Variants in TOR1B observed in about 807,000 individuals in gnomAD.
TOR1B encodes the protein torsin-1B.
TOR1B carries 14 observed loss-of-function variants against 29.2 expected under a neutral mutation model. The ratio of observed to expected loss-of-function variants is 0.48; its 90% CI spans 0.32 to 0.75. The LOEUF (loss-of-function observed/expected upper bound fraction) is 0.75. Among genes scored for constraint, TOR1B ranks in the 30% least tolerant of loss-of-function variants. TOR1B has a pLI of 0.04. For synonymous variants in TOR1B, 166 were observed against 179.8 expected, an observed-to-expected ratio of 0.92 and a Z score of 0.62; for missense variants, 400 against 433.9, an observed-to-expected ratio of 0.92 and a Z score of 0.69.
chr9:129,809,224 C>T, intron 4 of TOR1B, 118 bp from the exon 5 acceptor site: 2 of 1,548,560 alleles, frequency 1.3e-6, no homozygotes, highest in South Asian at 1.2e-5. Context: ...GGGCTTGTTG[C>T]ACACTGACAA....
rs758064306 is a variant in TOR1B at position 129,803,201 on chromosome 9, T to A, written c.-12T>A. The A allele has an allele frequency of 2.8e-6, 4 of 1,452,368 alleles. No individual in the cohort carries two copies. The highest frequency in any genetic ancestry group is 3.6e-6 in the Non-Finnish European group (4 of 1,107,550). 90.0% of individuals were successfully genotyped at this position (1,452,368 alleles called of 1,614,324 possible). A position where few individuals can be genotyped will look rare whatever the true frequency, so the allele number is the denominator to read the frequency against. The stretch of plus-strand genomic sequence containing the variant: ...CCTGGCTCAGTGGCTTCTGCGGGCT[T>A]CGAGGAGCGGGATGTTGCGGGCTGG... On this transcript the variant is annotated 5_prime_UTR_variant, in exon 1 of 5. Coordinates refer to ENST00000259339, the MANE Select transcript of TOR1B (RefSeq NM_014506.3).
In TOR1B at chr9:129,810,000, A is replaced by G. The variant is rs2130995371; in HGVS notation, c.*417A>G. The stretch of plus-strand genomic sequence containing the variant: ...ACTTTTAAAAATCCCCTTCACACTT[A>G]ATGTACTGACCGAGACAGAAGTACC... On this transcript the variant is annotated 3_prime_UTR_variant, in exon 5 of 5. Coordinates refer to ENST00000259339, the MANE Select transcript of TOR1B (RefSeq NM_014506.3). 8.4e-7 allele frequency: 1 copy of G among 1,191,456 alleles called. No individual in the cohort carries two copies. The highest frequency in any genetic ancestry group is 3.8e-4 in the Middle Eastern group (1 of 2,598). The allele number at this position is 1,191,456 out of a possible 1,614,324, so 73.8% of individuals were successfully genotyped here.
chr9:129,810,303 G>C lies in TOR1B; in HGVS notation c.*720G>C, dbSNP rs1367628045. The C allele has an allele frequency of 7.7e-7, 1 of 1,301,696 alleles. No homozygotes were observed. The highest frequency in any genetic ancestry group is 1.0e-6 in the Non-Finnish European group (1 of 988,366). The allele number at this position is 1,301,696 out of a possible 1,614,324, so 80.6% of individuals were successfully genotyped here. Reference sequence around the variant, plus strand: ...CGGTGTCTGACCGGAGGATGTGGCCGTGCCCGCCGAGCACTCTTGATCTGA... The same window carrying C: ...CGGTGTCTGACCGGAGGATGTGGCCCTGCCCGCCGAGCACTCTTGATCTGA... On this transcript the variant is annotated 3_prime_UTR_variant, in exon 5 of 5. Transcript: ENST00000259339.
intron 2 of TOR1B, among the ~76,000 whole-genome samples, chr9:129,806,388 T>C: frequency 6.6e-6 from 1 of 152,078 alleles, no homozygotes; most frequent in East Asian, 1.9e-4. Flanking sequence ...GTTGCTTGAG[T>C]GTCTTTATGT....
intron 3 of TOR1B, among the ~76,000 whole-genome samples, chr9:129,808,222 G>A (rs1047228170): frequency 6.6e-6 from 1 of 152,130 alleles, no homozygotes; most frequent in African/African-American, 2.4e-5. Context: ...CTTCGGCCGG[G>A]TGTGGTGGCT....
Position 129,809,154 on chromosome 9 carries a change from ATT to A in TOR1B, c.769+125_769+126del, listed in dbSNP as rs147701935. ...TTTCCTCACTTTGCTAAAGTCAGGA[ATT>A]TTCTTAGGGCATACTGTGCTAGAAA... On this transcript the variant is annotated intron_variant, in intron 4 of 4. Coordinates refer to ENST00000259339, the MANE Select transcript of TOR1B (RefSeq NM_014506.3). The A allele has an allele frequency of 4.2e-5, 64 of 1,517,444 alleles. No homozygotes were observed. In the African/African-American group the frequency reaches 8.5e-4, roughly 20 times the overall value. The allele number at this position is 1,517,444 out of a possible 1,614,324, so 94.0% of individuals were successfully genotyped here. A position where few individuals can be genotyped will look rare whatever the true frequency, so the allele number is the denominator to read the frequency against.
chr9:129,807,862 G>T (rs1446930177), intron 3 of TOR1B, among the ~76,000 whole-genome samples: 4 of 140,046 alleles, frequency 2.9e-5, no homozygotes, highest in South Asian at 2.3e-4. Flanking sequence ...AAAAAAAAAA[G>T]AAATAATCAC....
intron 1 of TOR1B, 64 bp from the exon 2 acceptor site, chr9:129,804,009 G>A: frequency 6.3e-7 from 1 of 1,596,352 alleles, no homozygotes. Context: ...AGCTAAGAAA[G>A]TGCTGCGTTG....
intron 2 of TOR1B, among the ~76,000 whole-genome samples, chr9:129,806,895 A>C (rs2030513887): frequency 6.6e-6 from 1 of 151,972 alleles, no homozygotes; most frequent in Non-Finnish European, 1.5e-5. Context: ...CAAAGACAAA[A>C]AAGAGAAGAA....
chr9:129,809,604 G>C lies in TOR1B; in HGVS notation c.*21G>C. 1 of 1,613,630 alleles carries C rather than the reference G, an allele frequency of 6.2e-7. No homozygotes were observed. The highest frequency in any genetic ancestry group is 1.1e-5 in the South Asian group (1 of 91,080). On this transcript the variant is annotated 3_prime_UTR_variant, in exon 5 of 5. Transcript: ENST00000259339. ...ACTGAGCTCCTATCCAGATGGGGTA[G>C]GAGACAGCTGGGAGGCTCCGCACGC...
At chr9:129,806,799 C>T (rs893669738) in intron 2 of TOR1B, among the ~76,000 whole-genome samples, 1 of 152,174 alleles carries the variant, frequency 6.6e-6, no homozygotes, top group African/African-American at 2.4e-5. Context: ...GCCGGGGAAT[C>T]GCTTGAACCC....
intron 2 of TOR1B, chr9:129,804,625 C>T: frequency 2.7e-6 from 1 of 371,902 alleles, no homozygotes; most frequent in East Asian, 4.8e-5. Flanking sequence ...TTTGGGGAAG[C>T]CGAGGCGGGC....
rs1441453707 is a variant in TOR1B at position 129,809,354 on chromosome 9, A to G, written c.782A>G (p.His261Arg). Residue 261 changes from histidine to arginine, a missense_variant, in exon 5 of 5, where the codon CAC becomes CGC. Physicochemically the swap from His to Arg is conservative, Grantham distance 29. Transcript: ENST00000259339. Reference protein sequence around the residue: ...VFNNKHSGLWHSGLIDKNLID... With the variant: ...VFNNKHSGLWRSGLIDKNLID... ...TCTTGTTCTGCAGGTGGCCTGTGGC[A>G]CAGTGGACTGATCGACAAAAACCTC... 1.2e-6 allele frequency: 2 copies of G among 1,614,084 alleles called. No individual in the cohort carries two copies. Among genetic ancestry groups the G allele is most frequent in the South Asian group, 1.1e-5 (1 of 91,078 alleles).
At position 129,810,335 on chromosome 9, in the gene TOR1B, C is replaced by CTG. The variant is rs3217180; in HGVS notation, c.*767_*768dup. 5 of 1,183,848 alleles carry CTG rather than the reference C, an allele frequency of 4.2e-6. No homozygotes were observed. The highest frequency in any genetic ancestry group is 3.8e-5 in the African/African-American group (2 of 52,822). 73.3% of individuals were successfully genotyped at this position (1,183,848 alleles called of 1,614,324 possible). ...CCGAGCACTCTTGATCTGAGCTGAC[C>CTG]TGTGTGTGTGTGTGTGGGGGGGTGG... is the stretch of plus-strand genomic sequence containing the variant. On this transcript the variant is annotated 3_prime_UTR_variant, in exon 5 of 5. Transcript: ENST00000259339.
In TOR1B at chr9:129,809,367, C is replaced by A; in HGVS notation, c.795C>A (p.Ile265=). Reference sequence around the variant, plus strand: ...GTGGCCTGTGGCACAGTGGACTGATCGACAAAAACCTCATTGATTACTTTA... The same window carrying A: ...GTGGCCTGTGGCACAGTGGACTGATAGACAAAAACCTCATTGATTACTTTA... ...KHSGLWHSGL[I]DKNLIDYFIP... Residue 265 remains isoleucine, a synonymous_variant, in exon 5 of 5, where the codon ATC becomes ATA. Coordinates refer to ENST00000259339, the MANE Select transcript of TOR1B (RefSeq NM_014506.3). The A allele has an allele frequency of 6.2e-7, 1 of 1,614,060 alleles. No individual in the cohort carries two copies. The highest frequency in any genetic ancestry group is 8.5e-7 in the Non-Finnish European group (1 of 1,180,004).
At chr9:129,806,445 T>C (rs55754112) in intron 2 of TOR1B, among the ~76,000 whole-genome samples, 919 of 152,326 alleles carry the variant, frequency 6.0e-3, no homozygotes, top group Admixed American at 0.01. Context: ...TGAAATGTCA[T>C]TGAGTCAGCT....
intron 2 of TOR1B, among the ~76,000 whole-genome samples, chr9:129,805,977 C>T (rs2030454854): frequency 6.6e-6 from 1 of 151,896 alleles, no homozygotes; most frequent in African/African-American, 2.4e-5. Flanking sequence ...AAAAATTAGC[C>T]AGGTGTAGTG....
intron 2 of TOR1B, among the ~76,000 whole-genome samples, chr9:129,805,454 G>A (rs961688039): frequency 6.6e-6 from 1 of 152,104 alleles, no homozygotes; most frequent in African/African-American, 2.4e-5. Flanking sequence ...GATGGAGCCT[G>A]GAGCCCAGAG....
rs1027243266 is a variant in TOR1B, at chr9:129,803,222, G to A, written c.10G>A (p.Ala4Thr). ...GGCTTCGAGGAGCGGGATGTTGCGG[G>A]CTGGGTGGCTCCGGGGCGCGGCGGC... MLR[A>T]GWLRGAAALA... The change falls in exon 1 of 5, where the codon GCT becomes ACT. Residue 4 changes from alanine (A) to threonine (T), a missense_variant. Coordinates refer to ENST00000259339, the MANE Select transcript of TOR1B (RefSeq NM_014506.3). 2.6e-6 allele frequency: 4 copies of A among 1,516,088 alleles called. No homozygotes were observed. The highest frequency in any genetic ancestry group is 1.3e-5 in the South Asian group (1 of 79,250). 93.9% of individuals were successfully genotyped at this position (1,516,088 alleles called of 1,614,324 possible).
Sources: allele counts gnomAD v4.1 joint callset (sites outside exome capture counted in the v4.1 genomes callset), GRCh38; gene constraint gnomAD v4.1.1; transcripts MANE v1.5; gene names NCBI Gene and HGNC (gene_info 2026-07-23, HGNC 2026-07-21).